PCDHGB4: variants seen among roughly 807,000 people sequenced by gnomAD.
The protein encoded by PCDHGB4 is protocadherin gamma subfamily B, 4.
In PCDHGB4, 38 loss-of-function variants were observed where a neutral mutation model predicts 60.5. The ratio of observed to expected loss-of-function variants is 0.63; its 90% CI spans 0.48 to 0.82. PCDHGB4 has a LOEUF of 0.82. PCDHGB4 is among the 40% of genes least tolerant of loss of function. The probability of loss-of-function intolerance (pLI) is 0.00; values close to 1 mark genes in which losing one functional copy is unlikely to be tolerated. For missense variants in PCDHGB4, 1,109 were observed against 1,209.6 expected, an observed-to-expected ratio of 0.92 and a Z score of 1.23; for synonymous variants, 456 against 509.7, an observed-to-expected ratio of 0.89 and a Z score of 1.42.
chr5:141,468,651 G>C (rs2099171216), intron 1 of PCDHGB4: 1 of 152,018 alleles, frequency 6.6e-6, no homozygotes, highest in African/African-American at 2.4e-5. Context: ...CGGATCACAA[G>C]GTCAGGAGAT....
rs1032345173 is a variant in PCDHGB4 at position 141,468,852 on chromosome 5, C to T, written c.2398-25955C>T. Among the ~76,000 whole-genome samples the T allele has an allele frequency of 7.2e-5, 11 of 151,868 alleles. No individual in the cohort carries two copies. In the East Asian group the frequency reaches 9.7e-4, roughly 13 times the overall value. On this transcript the variant is annotated intron_variant, in intron 1 of 3. Transcript: ENST00000519479. ...CTGCACTCCAGCCTGGGCAACAGAG[C>T]GAGACTCCATCTCAAAAATAATAAT... is the stretch of plus-strand genomic sequence containing the variant.
In PCDHGB4 at chr5:141,505,438, T is replaced by C. The variant is rs149352680; in HGVS notation, c.2502T>C (p.Phe834=). The C allele has an allele frequency of 6.8e-6, 11 of 1,614,046 alleles. No homozygotes were observed. The African/African-American group carries it at 1.5e-4, about 22-fold the overall frequency. The stretch of plus-strand genomic sequence containing the variant: ...CCGGCACCTGGCCCAACAACCAGTT[T>C]GACACAGAGATGCTGCAAGCCATGA... ...DDTGTWPNNQ[F]DTEMLQAMIL... Residue 834 remains phenylalanine, a synonymous_variant, in exon 3 of 4, where the codon TTT becomes TTC. Transcript: ENST00000519479.
Position 141,489,089 on chromosome 5 carries a change from A to G in PCDHGB4, c.2398-5718A>G. 5.6e-5 allele frequency: 16 copies of G among 284,404 alleles called. No individual in the cohort carries two copies. The highest frequency in any genetic ancestry group is 9.0e-5 in the Non-Finnish European group (14 of 156,416). The allele number at this position is 284,404 out of a possible 1,614,324, so 17.6% of individuals were successfully genotyped here. On this transcript the variant is annotated intron_variant, in intron 1 of 3. Coordinates refer to ENST00000519479, the MANE Select transcript of PCDHGB4 (RefSeq NM_003736.4). The surrounding 1 kb of genome is among the most constrained non-coding windows in gnomAD (Gnocchi z 4.5). ...CCCTGCCCACCCCCGCCACTCGGTG[A>G]CTAAGAACTGCTGCAAGCAGGCAAA...
chr5:141,404,466 T>C lies in PCDHGB4; in HGVS notation c.2397+14185T>C, dbSNP rs536211455. ...CAAGGGTCTCCTCTCTCCACCTATG[T>C]CTCTATTAACTCAGACACTGGTGTG... On this transcript the variant is annotated intron_variant, in intron 1 of 3. Transcript: ENST00000519479. 28 of 1,613,558 alleles carry C rather than the reference T, an allele frequency of 1.7e-5. No individual in the cohort carries two copies. Among genetic ancestry groups the C allele is most frequent in the East Asian group, 2.2e-5 (1 of 44,882 alleles).
At position 141,487,571 on chromosome 5, in the gene PCDHGB4, G is replaced by A; in HGVS notation, c.2398-7236G>A. The A allele has an allele frequency of 4.3e-6, 7 of 1,614,178 alleles. No individual in the cohort carries two copies. The highest frequency in any genetic ancestry group is 5.9e-6 in the Non-Finnish European group (7 of 1,180,038). On this transcript the variant is annotated intron_variant, in intron 1 of 3. Coordinates refer to ENST00000519479, the MANE Select transcript of PCDHGB4 (RefSeq NM_003736.4). This position sits in a 1 kb window ranked among gnomAD's most constrained non-coding sequence, Gnocchi z 5.0. ...CAGTGCACCTATGGCAGGGGAGCCTGTTCGCCCAAGCTGCCCACCCTCTGA... is the reference window on the plus strand; with the variant it reads ...CAGTGCACCTATGGCAGGGGAGCCTATTCGCCCAAGCTGCCCACCCTCTGA...
At chr5:141,398,608 G>C in intron 1 of PCDHGB4, 4 of 1,614,062 alleles carry the variant, frequency 2.5e-6, no homozygotes, top group Non-Finnish European at 3.4e-6. Context: ...AGAAGATGCA[G>C]ATATTGGCTT....
rs1235728365 is a variant in PCDHGB4 at position 141,485,502 on chromosome 5, C to T, written c.2398-9305C>T. ...TGCATCGTGCCCCTGGAGTTTGTCACCGAAGGTCCTTTGGAAATGTACCGA... is the reference window on the plus strand; with the variant it reads ...TGCATCGTGCCCCTGGAGTTTGTCATCGAAGGTCCTTTGGAAATGTACCGA... On this transcript the variant is annotated intron_variant, in intron 1 of 3. Transcript: ENST00000519479. This position sits in a 1 kb window ranked among gnomAD's most constrained non-coding sequence, Gnocchi z 5.7. 2 of 1,614,114 alleles carry T rather than the reference C, an allele frequency of 1.2e-6. No homozygotes were observed. Among genetic ancestry groups the T allele is most frequent in the Non-Finnish European group, 8.5e-7 (1 of 1,180,044 alleles).
intron 1 of PCDHGB4, among the ~76,000 whole-genome samples, chr5:141,405,944 A>T (rs1435240635): frequency 6.6e-6 from 1 of 152,130 alleles, no homozygotes; most frequent in East Asian, 1.9e-4. Flanking sequence ...TCATGTTCTC[A>T]TAATAATTAA....
At chr5:141,421,508 A>G (rs780491148) in intron 1 of PCDHGB4, 1 of 1,614,046 alleles carries the variant, frequency 6.2e-7, no homozygotes, top group Non-Finnish European at 8.5e-7. Flanking sequence ...ATAGACCGGG[A>G]GGAGCTCTGT....
chr5:141,438,591 C>CATAT (rs946798767), intron 1 of PCDHGB4, among the ~76,000 whole-genome samples: 211 of 75,392 alleles, frequency 2.8e-3, no homozygotes, highest in Non-Finnish European at 4.1e-3. Context: ...TACATACATA[C>CATAT]ATATATATAT....
intron 1 of PCDHGB4, among the ~76,000 whole-genome samples, chr5:141,437,036 G>A (rs916860661): frequency 6.6e-6 from 1 of 152,294 alleles, no homozygotes; most frequent in Middle Eastern, 3.4e-3. Flanking sequence ...ATGGATCACC[G>A]AAACCAGAAG....
chr5:141,473,497 C>T (rs2099323546), intron 1 of PCDHGB4, among the ~76,000 whole-genome samples: 1 of 152,106 alleles, frequency 6.6e-6, no homozygotes, highest in Non-Finnish European at 1.5e-5. Context: ...ATAAGGTGTT[C>T]TGAGAGAGCA....
At chr5:141,439,739 G>A (rs867225156) in intron 1 of PCDHGB4, 4 of 152,312 alleles carry the variant, frequency 2.6e-5, no homozygotes, top group Non-Finnish European at 5.9e-5. Flanking sequence ...GGAACGGAAC[G>A]GATTTACAGG....
rs192995605 is a variant in PCDHGB4 at position 141,395,094 on chromosome 5, G to C, written c.2397+4813G>C. 2.2e-4 allele frequency: 348 copies of C among 1,614,160 alleles called. 5 individuals carry two copies. The East Asian group carries it at 7.6e-3, about 35-fold the overall frequency. ...CTATTCCCAGGAAGTCTCCCTCACC[G>C]CCGACTCGCGGAAGAGTCACCTGAT... On this transcript the variant is annotated intron_variant, in intron 1 of 3. Transcript: ENST00000519479.
intron 1 of PCDHGB4, among the ~76,000 whole-genome samples, chr5:141,442,846 C>T (rs1489647686): frequency 2.6e-5 from 4 of 152,234 alleles, no homozygotes; most frequent in Non-Finnish European, 4.4e-5. Context: ...AAATCTTGGC[C>T]ATTGTAGTAT....
intron 2 of PCDHGB4, among the ~76,000 whole-genome samples, chr5:141,500,431 G>A (rs1340129330): frequency 6.6e-6 from 1 of 151,476 alleles, no homozygotes; most frequent in Non-Finnish European, 1.5e-5. Flanking sequence ...GGATGGTCTC[G>A]ATCTCCTGAC....
intron 1 of PCDHGB4, chr5:141,392,432 T>C (rs2092535052): frequency 6.2e-6 from 1 of 160,182 alleles, no homozygotes; most frequent in African/African-American, 2.4e-5. Flanking sequence ...ATTCTTTGGC[T>C]GTTTCTTTTA....
Position 141,490,778 on chromosome 5 carries a change from A to T in PCDHGB4, c.2398-4029A>T, listed in dbSNP as rs964301520. The T allele has an allele frequency of 5.6e-6, 9 of 1,614,098 alleles. No individual in the cohort carries two copies. The highest frequency in any genetic ancestry group is 7.6e-6 in the Non-Finnish European group (9 of 1,179,962). On this transcript the variant is annotated intron_variant, in intron 1 of 3. Transcript: ENST00000519479. This position sits in a 1 kb window ranked among gnomAD's most constrained non-coding sequence, Gnocchi z 5.4. ...TCCTTTGTGTATGTCAACCCAGAGG[A>T]TGGACGGATCTTTGCCCAGCGTACC... is the stretch of plus-strand genomic sequence containing the variant.
Position 141,491,244 on chromosome 5 carries a change from T to A in PCDHGB4, c.2398-3563T>A. 1 of 1,614,210 alleles carries A rather than the reference T, an allele frequency of 6.2e-7. No individual in the cohort carries two copies. Among genetic ancestry groups the A allele is most frequent in the Non-Finnish European group, 8.5e-7 (1 of 1,180,024 alleles). On this transcript the variant is annotated intron_variant, in intron 1 of 3. Coordinates refer to ENST00000519479, the MANE Select transcript of PCDHGB4 (RefSeq NM_003736.4). This position sits in a 1 kb window ranked among gnomAD's most constrained non-coding sequence, Gnocchi z 6.9. ...CCACAGTGCTGCTGGTTCTGGAGGA[T>A]GAGGACCCTGAGGAAATGCCCAAAT...
Sources: gnomAD v4.1 joint callset for allele counts (sites outside exome capture counted in the v4.1 genomes callset) on GRCh38, gnomAD v4.1.1 for gene constraint, Gnocchi (gnomAD v3.1) non-coding constraint, MANE v1.5 for transcripts, NCBI Gene and HGNC (gene_info 2026-07-23, HGNC 2026-07-21) for gene names.